Variants in MED13 observed in about 807,000 individuals in gnomAD.
The protein encoded by MED13 is mediator complex subunit 13.
A neutral mutation model predicts 225.2 loss-of-function variants in MED13; 23 were observed. The observed-to-expected ratio is 0.10, with a 90% CI of 0.07 to 0.14. The LOEUF (loss-of-function observed/expected upper bound fraction) is 0.14, where lower values mean the gene tolerates loss of function less well. MED13 is among the 10% of genes least tolerant of loss of function. The pLI, the probability that MED13 is intolerant of heterozygous loss-of-function variation, is 1.00. For missense variants in MED13, 2,197 were observed against 2,594.5 expected, an observed-to-expected ratio of 0.85 and a Z score of 3.33; for synonymous variants, 942 against 889.2, an observed-to-expected ratio of 1.06 and a Z score of -1.06.
At chr17:61,989,002 C>G (rs1241115894) in intron 11 of MED13, among the ~76,000 whole-genome samples, 1 of 150,892 alleles carries the variant, frequency 6.6e-6, no homozygotes, top group African/African-American at 2.4e-5. Flanking sequence ...CTTTCTACTT[C>G]CATGAATCCA....
intron 18 of MED13, among the ~76,000 whole-genome samples, chr17:61,967,788 G>C (rs1251430463): frequency 6.6e-6 from 1 of 152,048 alleles, no homozygotes; most frequent in Non-Finnish European, 1.5e-5. Flanking sequence ...ACATTAAAAG[G>C]GATATATATC....
chr17:61,999,800 T>C (rs1379003594), intron 9 of MED13, among the ~76,000 whole-genome samples: 2 of 152,288 alleles, frequency 1.3e-5, no homozygotes, highest in Admixed American at 6.5e-5. Context: ...CTCACATCTG[T>C]AATCCCAGCG....
chr17:61,982,078 A>T (rs1249307571), intron 16 of MED13, 120 bp downstream of exon 16: 2 of 870,030 alleles, frequency 2.3e-6, no homozygotes, highest in Non-Finnish European at 3.5e-6. Context: ...ATCCATAAAG[A>T]GTTTTAAGTC....
chr17:62,044,882 G>A (rs192049504), intron 3 of MED13, among the ~76,000 whole-genome samples: 5 of 152,252 alleles, frequency 3.3e-5, no homozygotes, highest in South Asian at 4.1e-4. Context: ...GGCTAGTCTC[G>A]AACTCCTGAC....
At chr17:61,967,430 C>T (rs1431573776) in intron 18 of MED13, among the ~76,000 whole-genome samples, 1 of 152,144 alleles carries the variant, frequency 6.6e-6, no homozygotes, top group Non-Finnish European at 1.5e-5. Context: ...AACTAACATA[C>T]ACTAACATTC....
At chr17:61,960,006 CAGGAGCCA>C (rs1335524671) in intron 23 of MED13, among the ~76,000 whole-genome samples, 58 of 152,196 alleles carry the variant, frequency 3.8e-4, no homozygotes, top group African/African-American at 1.4e-3. Flanking sequence ...GGATTACAAG[CAGGAGCCA>C]CCACGTCTGG....
rs779012272 is a variant in MED13 at position 62,029,634 on chromosome 17, G to A, written c.1190C>T (p.Ser397Leu). ...RAQNKRKYSA[S>L]SGGLCEEATA... ...CGCTTCTTCGCATAGACCACCTGAT[G>A]AAGCAGAATACTTCCTCCTAAGATT... is the stretch of plus-strand genomic sequence containing the variant. The change falls in exon 8 of 30, where the codon TCA (serine) becomes TTA (leucine). Residue 397 changes from serine to leucine, a missense_variant. By Grantham distance (145) the Ser-to-Leu change is moderately radical (BLOSUM62 -2). Coordinates refer to ENST00000397786, the MANE Select transcript of MED13 (RefSeq NM_005121.3). 1 of 1,613,078 alleles carries A rather than the reference G, an allele frequency of 6.2e-7. No individual in the cohort carries two copies. The highest frequency in any genetic ancestry group is 1.3e-5 in the African/African-American group (1 of 75,014).
intron 8 of MED13, among the ~76,000 whole-genome samples, chr17:62,015,652 T>G (rs1323940352): frequency 6.7e-6 from 1 of 149,402 alleles, no homozygotes; most frequent in Admixed American, 6.7e-5. Context: ...CCGCTCACTG[T>G]AACCTCTGCC....
At position 61,946,060 on chromosome 17, in the gene MED13, A is replaced by G. The variant is rs536926309; in HGVS notation, c.*408T>C. ...AGATGCAGGCATTTTTGAATACTAG[A>G]TACTATAATCCATACAAGAACATCT... On this transcript the variant is annotated 3_prime_UTR_variant, in exon 30 of 30. Transcript: ENST00000397786. 3.2e-4 allele frequency: 50 copies of G among 154,310 alleles called. No individual in the cohort carries two copies. Among genetic ancestry groups the G allele is most frequent in the Admixed American group, 7.1e-4 (11 of 15,400 alleles). The allele number at this position is 154,310 out of a possible 1,614,324, so 9.6% of individuals were successfully genotyped here.
In MED13 at chr17:61,946,211, A is replaced by C. The variant is rs536267392; in HGVS notation, c.*257T>G. On this transcript the variant is annotated 3_prime_UTR_variant, in exon 30 of 30. Coordinates refer to ENST00000397786, the MANE Select transcript of MED13 (RefSeq NM_005121.3). ...TTTCACAAATACTGTGACTGGAAAA[A>C]AAAAAGGTTAATTTTGCTACGAAAA... 161 of 323,470 alleles carry C rather than the reference A, an allele frequency of 5.0e-4. No individual in the cohort carries two copies. The highest frequency in any genetic ancestry group is 3.1e-3 in the African/African-American group (143 of 46,820). 20.0% of individuals were successfully genotyped at this position (323,470 alleles called of 1,614,324 possible).
In MED13 at chr17:61,965,438, C is replaced by T. The variant is rs969138159; in HGVS notation, c.4412G>A (p.Ser1471Asn). 10 of 1,613,892 alleles carry T rather than the reference C, an allele frequency of 6.2e-6. No individual in the cohort carries two copies. Among genetic ancestry groups the T allele is most frequent in the African/African-American group, 2.7e-5 (2 of 74,930 alleles). The change falls in exon 20 of 30, where the codon AGC becomes AAC. Residue 1471 changes from serine to asparagine, a missense_variant. Ser to Asn is a conservative substitution (Grantham distance 46). Coordinates refer to ENST00000397786, the MANE Select transcript of MED13 (RefSeq NM_005121.3). Reference protein sequence around the residue: ...GPYLASLPLDSSLLSQPNLVA... With the variant: ...GPYLASLPLDNSLLSQPNLVA... ...TAAATTTGGCTGGGAAAGTAGAGAG[C>T]TGTCCAATGGCAGGGAAGCAAGATA...
At chr17:62,054,882 A>C (rs2080984621) in intron 2 of MED13, among the ~76,000 whole-genome samples, 1 of 152,232 alleles carries the variant, frequency 6.6e-6, no homozygotes, top group South Asian at 2.1e-4. Context: ...GTTCTACATA[A>C]GAAACCACTA....
chr17:61,961,138 A>C, intron 22 of MED13, 48 bp from the exon 23 acceptor site: 1 of 1,380,322 alleles, frequency 7.2e-7, no homozygotes. Flanking sequence ...AATCTTAGAG[A>C]AATATTGCAT....
At chr17:61,963,134 A>C (rs968954487) in intron 20 of MED13, among the ~76,000 whole-genome samples, 163 bp from the exon 21 acceptor site, 1 of 150,584 alleles carries the variant, frequency 6.6e-6, no homozygotes. Flanking sequence ...AATGAACCAT[A>C]AACATTGTAC....
intron 16 of MED13, among the ~76,000 whole-genome samples, chr17:61,974,277 G>A (rs961143690): frequency 2.0e-5 from 3 of 151,992 alleles, no homozygotes; most frequent in East Asian, 1.9e-4. Flanking sequence ...GGTGCCACAC[G>A]CCTGTGGTCC....
At chr17:62,001,200 C>T (rs1250012856) in intron 9 of MED13, among the ~76,000 whole-genome samples, 2 of 152,184 alleles carry the variant, frequency 1.3e-5, no homozygotes, top group Non-Finnish European at 2.9e-5. Flanking sequence ...TATTCTTTCT[C>T]ATCTTTCTAC....
chr17:61,958,157 C>T (rs2079965513), intron 23 of MED13, among the ~76,000 whole-genome samples: 1 of 152,000 alleles, frequency 6.6e-6, no homozygotes, highest in African/African-American at 2.4e-5. Context: ...AGCCACCGCG[C>T]CCAGCTGGCT....
At chr17:62,022,284 A>ACTCT (rs1443918825) in intron 8 of MED13, among the ~76,000 whole-genome samples, 3 of 151,820 alleles carry the variant, frequency 2.0e-5, no homozygotes, top group Non-Finnish European at 4.4e-5. Flanking sequence ...TTCTGAGCCT[A>ACTCT]GGACACCTTC....
In MED13 at chr17:61,965,078, GCTGA is replaced by G. The variant is rs751457370; in HGVS notation, c.4768_4771del (p.Ser1590LeufsTer53). The G allele has an allele frequency of 2.5e-6, 4 of 1,614,200 alleles. 1 individual carries two copies. On this transcript the variant is annotated frameshift_variant, in exon 20 of 30. Coordinates refer to ENST00000397786, the MANE Select transcript of MED13 (RefSeq NM_005121.3). LOFTEE classifies it high-confidence loss of function. ...TCCAGAAATCCCAGCTGTCTGTAGA[GCTGA>G]TGTCTGTTGCCCTCCTAGCTGACCA...
Sources: allele counts gnomAD v4.1 joint callset (sites outside exome capture counted in the v4.1 genomes callset), GRCh38; gene constraint gnomAD v4.1.1; transcripts MANE v1.5; gene names NCBI Gene and HGNC (gene_info 2026-07-23, HGNC 2026-07-21).